RBFOX1: variants seen among roughly 807,000 people sequenced by gnomAD.
RBFOX1 encodes the protein RNA binding fox-1 homolog 1.
In RBFOX1, 8 loss-of-function variants were observed where a neutral mutation model predicts 57.7. The observed-to-expected ratio is 0.14, with a 90% confidence interval of 0.08 to 0.25. The LOEUF (loss-of-function observed/expected upper bound fraction) is 0.25, where lower values mean the gene tolerates loss of function less well. Ranked by LOEUF, RBFOX1 falls within the 10% of genes least tolerant of loss-of-function variation. The pLI, the probability that RBFOX1 is intolerant of heterozygous loss-of-function variation, is 1.00. For missense variants in RBFOX1, 611 were observed against 548.5 expected, an observed-to-expected ratio of 1.11 and a Z score of -1.14; for synonymous variants, 326 against 222.4, an observed-to-expected ratio of 1.47 and a Z score of -4.15.
At chr16:7,291,491 C>G (rs568129233) in intron 4 of RBFOX1, among the ~76,000 whole-genome samples, 2 of 152,042 alleles carry the variant, frequency 1.3e-5, no homozygotes, top group Non-Finnish European at 2.9e-5. Context: ...AAAAATGATA[C>G]AATTTGGGAA....
At chr16:5,721,869 C>G (rs139107219) in intron 3 of RBFOX1, among the ~76,000 whole-genome samples, 1 of 152,274 alleles carries the variant, frequency 6.6e-6, no homozygotes, top group East Asian at 1.9e-4. Context: ...AGACAGAGGA[C>G]CAAGCACAAG....
chr16:6,851,297 G>T (rs2094048589), intron 3 of RBFOX1, among the ~76,000 whole-genome samples: 1 of 152,124 alleles, frequency 6.6e-6, no homozygotes, highest in Non-Finnish European at 1.5e-5. Flanking sequence ...AGTGACAGTA[G>T]GGTGTGGTCA....
At chr16:5,767,289 C>G (rs2053817520) in intron 3 of RBFOX1, among the ~76,000 whole-genome samples, 1 of 152,186 alleles carries the variant, frequency 6.6e-6, no homozygotes, top group Non-Finnish European at 1.5e-5. Flanking sequence ...AGGCGGAGAG[C>G]TGCTCATGGT....
rs28502689 is a variant in RBFOX1, at chr16:6,304,968, A to T, written c.-126-12027A>T. Among the ~76,000 whole-genome samples the T allele has an allele frequency of 8.7e-3, 1,326 of 152,130 alleles. 25 individuals are homozygous for T. The highest frequency in any genetic ancestry group is 0.03 in the African/African-American group (1,240 of 41,464). On this transcript the variant is annotated intron_variant, in intron 1 of 15. Transcript: ENST00000550418. ...ATTTCTCTCTCCAATGACAACAATC[A>T]ACAGAACTAGTGAGATGATGGATAA... is the stretch of plus-strand genomic sequence containing the variant.
chr16:5,670,749 T>G (rs2049992090), intron 3 of RBFOX1, among the ~76,000 whole-genome samples: 1 of 152,208 alleles, frequency 6.6e-6, no homozygotes, highest in African/African-American at 2.4e-5. Flanking sequence ...TGCCTGCAGG[T>G]TTTCTTAGAC....
chr16:7,218,390 G>C (rs1415984864), intron 4 of RBFOX1, among the ~76,000 whole-genome samples: 1 of 152,108 alleles, frequency 6.6e-6, no homozygotes, highest in Non-Finnish European at 1.5e-5. Context: ...AGTTAGAAGT[G>C]GAAAGAGGTG....
chr16:7,418,717 C>G (rs895387133), intron 4 of RBFOX1, among the ~76,000 whole-genome samples: 11 of 152,198 alleles, frequency 7.2e-5, no homozygotes, highest in South Asian at 2.1e-4. Flanking sequence ...TATCTGCTCT[C>G]TAGAACTAAT....
chr16:7,010,348 T>A (rs1003780749), intron 3 of RBFOX1, among the ~76,000 whole-genome samples: 3 of 152,184 alleles, frequency 2.0e-5, no homozygotes, highest in Non-Finnish European at 4.4e-5. Context: ...CCCAGTCTGG[T>A]TAGACTTTCT....
At chr16:7,492,749 C>T (rs372944129) in intron 4 of RBFOX1, among the ~76,000 whole-genome samples, 18 of 152,138 alleles carry the variant, frequency 1.2e-4, no homozygotes, top group South Asian at 1.0e-3. Context: ...TGTTTAAAAG[C>T]GGTTGGCATC....
At chr16:6,768,998 G>T (rs896011473) in intron 3 of RBFOX1, among the ~76,000 whole-genome samples, 1 of 152,020 alleles carries the variant, frequency 6.6e-6, no homozygotes, top group African/African-American at 2.4e-5. Context: ...AAGTGTTGAG[G>T]TTACTGGCGT....
chr16:6,555,110 C>G (rs1451696125), intron 2 of RBFOX1, among the ~76,000 whole-genome samples: 1 of 152,102 alleles, frequency 6.6e-6, no homozygotes, highest in Non-Finnish European at 1.5e-5. Flanking sequence ...AAGGGGGTGC[C>G]TCCATTCTTA....
At chr16:6,504,603 A>T (rs565919596) in intron 2 of RBFOX1, among the ~76,000 whole-genome samples, 1 of 152,284 alleles carries the variant, frequency 6.6e-6, no homozygotes, top group African/African-American at 2.4e-5. Context: ...TTGACACCTC[A>T]TGTTGGTAGA....
intron 3 of RBFOX1, among the ~76,000 whole-genome samples, chr16:6,919,621 C>T (rs1423032251): frequency 6.6e-6 from 1 of 152,078 alleles, no homozygotes; most frequent in Admixed American, 6.6e-5. Context: ...GAACAAGTAT[C>T]TGGAAATTCC....
At position 6,299,193 on chromosome 16, in the gene RBFOX1, C is replaced by T. The variant is rs149608280; in HGVS notation, c.-126-17802C>T. Among the ~76,000 whole-genome samples the T allele has an allele frequency of 1.7e-3, 252 of 152,226 alleles. 1 individual carries two copies. Among genetic ancestry groups the T allele is most frequent in the African/African-American group, 5.6e-3 (231 of 41,534 alleles). ...CCATGGGAAAGAAAATGCAAGTGTC[C>T]GATGCAGGGGCCTTAGCCCCACAAA... is the stretch of plus-strand genomic sequence containing the variant. On this transcript the variant is annotated intron_variant, in intron 1 of 15. Transcript: ENST00000550418.
chr16:5,580,655 C>T (rs2046634596), intron 2 of RBFOX1, among the ~76,000 whole-genome samples: 1 of 152,136 alleles, frequency 6.6e-6, no homozygotes, highest in African/African-American at 2.4e-5. Flanking sequence ...CACTGGATAC[C>T]TTTGGGGAGA....
intron 3 of RBFOX1, among the ~76,000 whole-genome samples, chr16:6,864,734 TGTTG>T (rs1567618859): frequency 6.6e-6 from 1 of 152,112 alleles, no homozygotes; most frequent in African/African-American, 2.4e-5. Flanking sequence ...TCCTAGAAGA[TGTTG>T]CTCTGTTCAA....
At chr16:5,804,385 T>A (rs2055160659) in intron 3 of RBFOX1, among the ~76,000 whole-genome samples, 1 of 151,974 alleles carries the variant, frequency 6.6e-6, no homozygotes, top group Non-Finnish European at 1.5e-5. Flanking sequence ...AGTGACAGAG[T>A]TTTTGTCTGT....
At chr16:6,499,802 C>T (rs1187142223) in intron 2 of RBFOX1, among the ~76,000 whole-genome samples, 1 of 152,122 alleles carries the variant, frequency 6.6e-6, no homozygotes, top group Non-Finnish European at 1.5e-5. Context: ...AGTCTCCAGT[C>T]ATTAGGGCAT....
intron 4 of RBFOX1, among the ~76,000 whole-genome samples, chr16:7,350,178 G>C (rs1400502786): frequency 6.6e-6 from 1 of 152,094 alleles, no homozygotes; most frequent in African/African-American, 2.4e-5. Flanking sequence ...TTACATGGTA[G>C]TGACTGAAAG....
Sources: gnomAD v4.1 joint callset for allele counts (sites outside exome capture counted in the v4.1 genomes callset) on GRCh38, gnomAD v4.1.1 for gene constraint, MANE v1.5 for transcripts, NCBI Gene and HGNC (gene_info 2026-07-23, HGNC 2026-07-21) for gene names.